Variants in AVEN observed in about 807,000 individuals in gnomAD.
AVEN encodes the protein apoptosis and caspase activation inhibitor, also known as cell death regulator Aven.
AVEN carries 41 observed loss-of-function variants against 38.1 expected under a neutral mutation model. The ratio of observed to expected loss-of-function variants is 1.08; its 90% CI spans 0.84 to 1.40. The LOEUF (loss-of-function observed/expected upper bound fraction) is 1.40, where lower values mean the gene tolerates loss of function less well. Ranked by LOEUF, AVEN falls within the 40% of genes most tolerant of loss-of-function variation. The pLI is 0.00. For missense variants in AVEN, 605 were observed against 438.8 expected (o/e 1.38, Z -3.38); for synonymous variants, 206 against 171.8 (o/e 1.20, Z -1.56).
chr15:33,909,493 G>T (rs1416167513), intron 2 of AVEN, among the ~76,000 whole-genome samples: 1 of 152,108 alleles, frequency 6.6e-6, no homozygotes, highest in Admixed American at 6.6e-5. Flanking sequence ...TTTATTCCAG[G>T]TAACAATAAT....
At chr15:33,872,105 C>T (rs1890990168) in intron 3 of AVEN, among the ~76,000 whole-genome samples, 1 of 152,246 alleles carries the variant, frequency 6.6e-6, no homozygotes, top group South Asian at 2.1e-4. Context: ...ACAACACCCA[C>T]TAAGGATGCT....
At chr15:34,039,719 T>C, upstream of AVEN, among the ~76,000 whole-genome samples, 1 of 152,190 alleles carries the variant, frequency 6.6e-6, no homozygotes, top group East Asian at 1.9e-4. Flanking sequence ...TCTGTAGAAA[T>C]GACTACTACA....
intron 1 of AVEN, among the ~76,000 whole-genome samples, chr15:34,019,841 C>T (rs1209500250): frequency 6.6e-6 from 1 of 152,154 alleles, no homozygotes; most frequent in Non-Finnish European, 1.5e-5. Context: ...AGTCACCTAA[C>T]GACATGTTTC....
intron 1 of AVEN, among the ~76,000 whole-genome samples, chr15:34,017,356 G>A (rs1347269426): frequency 6.6e-6 from 1 of 151,888 alleles, no homozygotes; most frequent in Non-Finnish European, 1.5e-5. Context: ...CCCAAAGAAT[G>A]ACATTTCAAA....
intron 1 of AVEN, chr15:34,006,911 C>G (rs1897378367): frequency 3.8e-6 from 1 of 266,090 alleles, no homozygotes; most frequent in East Asian, 1.8e-4. Context: ...TGCAAAGCCT[C>G]AATATGGAGA....
chr15:33,920,088 C>T (rs534005697), intron 2 of AVEN, among the ~76,000 whole-genome samples: 2 of 152,230 alleles, frequency 1.3e-5, no homozygotes, highest in African/African-American at 2.4e-5. Context: ...ACTGGCCCAG[C>T]AAAACCCTAA....
intron 2 of AVEN, among the ~76,000 whole-genome samples, chr15:33,932,756 T>C (rs1000847306): frequency 3.3e-5 from 5 of 151,880 alleles, no homozygotes; most frequent in Admixed American, 3.3e-4. Context: ...ACCCTAGAGA[T>C]GGAGGTTGCA....
At chr15:33,984,968 G>A (rs1247465294) in intron 2 of AVEN, among the ~76,000 whole-genome samples, 1 of 151,994 alleles carries the variant, frequency 6.6e-6, no homozygotes, top group Non-Finnish European at 1.5e-5. Flanking sequence ...TTCACCTCAA[G>A]AGCAGTGGAA....
At chr15:33,864,278 C>T, downstream of AVEN, 1 of 988,828 alleles carries the variant, frequency 1.0e-6, no homozygotes, top group Non-Finnish European at 1.5e-6. Flanking sequence ...GAAATACATA[C>T]ATGGCCCCAT....
At chr15:33,867,398 G>C (rs1007763392) in intron 5 of AVEN, 97 bp downstream of exon 5, 145 of 1,457,014 alleles carry the variant, frequency 1.0e-4, no homozygotes, top group Admixed American at 7.5e-4. Flanking sequence ...ATCAATGTCA[G>C]ACACCCAGAG....
chr15:33,994,283 TC>T, intron 2 of AVEN, among the ~76,000 whole-genome samples: 1 of 152,316 alleles, frequency 6.6e-6, no homozygotes, highest in South Asian at 2.1e-4. Context: ...ATGCAAGGGA[TC>T]CAGGTTGCAC....
At chr15:34,047,700 C>T (rs147866036) in intron 5 of AVEN, among the ~76,000 whole-genome samples, 4 of 152,318 alleles carry the variant, frequency 2.6e-5, no homozygotes, top group African/African-American at 9.6e-5. Context: ...TCCCTCCCAA[C>T]GCAAGCACAG....
intron 2 of AVEN, among the ~76,000 whole-genome samples, chr15:34,001,632 T>C (rs1015329665): frequency 6.6e-6 from 1 of 152,202 alleles, no homozygotes; most frequent in African/African-American, 2.4e-5. Flanking sequence ...TATTTAGTGT[T>C]ACCAGTTCTT....
chr15:33,933,830 A>C lies in AVEN; in HGVS notation c.446-57835T>G, dbSNP rs546180958. On this transcript the variant is annotated intron_variant, in intron 2 of 5. Transcript: ENST00000306730. The stretch of plus-strand genomic sequence containing the variant: ...AAAAATTAGCCAGGAGTGGTGACAC[A>C]CACCTGTAATCCCAGCTACTCAGGT... 3.3e-5 allele frequency among the ~76,000 whole-genome samples: 5 copies of C among 152,196 alleles called. No individual in the cohort carries two copies. In the East Asian group the frequency reaches 9.7e-4, roughly 29 times the overall value.
intron 2 of AVEN, among the ~76,000 whole-genome samples, chr15:33,896,469 T>C (rs1173860781): frequency 1.3e-5 from 2 of 152,206 alleles, no homozygotes; most frequent in African/African-American, 4.8e-5. Flanking sequence ...TGCATTCATG[T>C]TAATTATCTC....
intron 2 of AVEN, among the ~76,000 whole-genome samples, chr15:33,996,454 C>T (rs992888593): frequency 3.3e-5 from 5 of 152,226 alleles, no homozygotes; most frequent in Admixed American, 6.5e-5. Context: ...CTCATACAGG[C>T]GGGTGCCCCT....
At chr15:33,977,538 C>T (rs537859369) in intron 2 of AVEN, among the ~76,000 whole-genome samples, 2 of 152,300 alleles carry the variant, frequency 1.3e-5, no homozygotes, top group Admixed American at 1.3e-4. Flanking sequence ...CTCGTGGCCT[C>T]ACTGAGCACC....
At chr15:33,898,850 G>A (rs946689458) in intron 2 of AVEN, among the ~76,000 whole-genome samples, 1 of 152,098 alleles carries the variant, frequency 6.6e-6, no homozygotes, top group Non-Finnish European at 1.5e-5. Context: ...AGTCCCAGGG[G>A]GATTAACAGA....
chr15:34,003,231 C>A, intron 1 of AVEN, 22 bp from the exon 2 acceptor site: 1 of 1,610,648 alleles, frequency 6.2e-7, no homozygotes, highest in South Asian at 1.1e-5. Context: ...AGAGACAAAT[C>A]AATAAGTAAG....
Sources: gnomAD v4.1 joint callset for allele counts (sites outside exome capture counted in the v4.1 genomes callset) on GRCh38, gnomAD v4.1.1 for gene constraint, MANE v1.5 for transcripts, NCBI Gene and HGNC (gene_info 2026-07-23, HGNC 2026-07-21) for gene names.